The following SGPP2 variants were observed in gnomAD, a reference collection of about 807,000 sequenced individuals.
The protein encoded by SGPP2 is sphingosine-1-phosphate phosphatase 2.
A neutral mutation model predicts 33.9 loss-of-function variants in SGPP2; 30 were observed. That is an observed-to-expected ratio of 0.89 (90% CI 0.66 to 1.20). SGPP2 has a LOEUF of 1.20. SGPP2 is among the 50% of genes most tolerant of loss of function. The pLI, the probability that SGPP2 is intolerant of heterozygous loss-of-function variation, is 0.00. For synonymous variants in SGPP2, 233 were observed against 225.0 expected (o/e 1.04, Z -0.32); for missense variants, 458 against 532.1 (o/e 0.86, Z 1.37).
chr2:222,524,552 GCTAT>G (rs1688187683), intron 3 of SGPP2, among the ~76,000 whole-genome samples: 1 of 152,166 alleles, frequency 6.6e-6, no homozygotes, highest in South Asian at 2.1e-4. Context: ...TATAGCCCTG[GCTAT>G]CTATCTACCT....
At chr2:222,500,851 G>A (rs570673236) in intron 2 of SGPP2, among the ~76,000 whole-genome samples, 6 of 152,236 alleles carry the variant, frequency 3.9e-5, no homozygotes, top group East Asian at 1.9e-4. Flanking sequence ...GGACTGCTTC[G>A]TAGCAAAGCA....
At chr2:222,541,276 C>A (rs1399460479) in intron 4 of SGPP2, among the ~76,000 whole-genome samples, 1 of 151,742 alleles carries the variant, frequency 6.6e-6, no homozygotes, top group Admixed American at 6.5e-5. Flanking sequence ...GTGTCAGCAG[C>A]ATGAGGCTTT....
chr2:222,470,331 A>G (rs1445577260), intron 1 of SGPP2, among the ~76,000 whole-genome samples: 1 of 152,222 alleles, frequency 6.6e-6, no homozygotes, highest in Non-Finnish European at 1.5e-5. Context: ...ATTTAGGTAC[A>G]TCTAAGCCCC....
intron 1 of SGPP2, among the ~76,000 whole-genome samples, chr2:222,445,539 G>A (rs1401088076): frequency 1.3e-5 from 2 of 152,176 alleles, no homozygotes; most frequent in African/African-American, 4.8e-5. Context: ...GAGAGAAGGA[G>A]AATAGCCATG....
chr2:222,461,809 T>TTA (rs1697664888), intron 1 of SGPP2, among the ~76,000 whole-genome samples: 1 of 152,194 alleles, frequency 6.6e-6, no homozygotes, highest in Admixed American at 6.5e-5. Flanking sequence ...TGGTTCCTAA[T>TTA]GGAACCAGTC....
At position 222,561,541 on chromosome 2, in the gene SGPP2, TA is replaced by T. The variant is rs1341324700; in HGVS notation, c.*2644del. ...TGATATATATATATCATTTTATATATATATATATATCATATACATAATTTTT... is the reference window on the plus strand; with the variant it reads ...TGATATATATATATCATTTTATATATTATATATATCATATACATAATTTTT... On this transcript the variant is annotated 3_prime_UTR_variant, in exon 5 of 5. Transcript: ENST00000321276. Among the ~76,000 whole-genome samples, 1 of 148,952 alleles carries T rather than the reference TA, an allele frequency of 6.7e-6. No homozygotes were observed. The highest frequency in any genetic ancestry group is 1.5e-5 in the Non-Finnish European group (1 of 67,396).
At chr2:222,526,564 T>C (rs554118159) in intron 4 of SGPP2, among the ~76,000 whole-genome samples, 1 of 152,372 alleles carries the variant, frequency 6.6e-6, no homozygotes, top group South Asian at 2.1e-4. Context: ...TTGGGTTCTC[T>C]GGCATCTCTT....
intron 4 of SGPP2, among the ~76,000 whole-genome samples, chr2:222,554,360 C>T (rs939791230): frequency 2.0e-5 from 3 of 152,204 alleles, no homozygotes; most frequent in African/African-American, 7.2e-5. Context: ...GTGGCTATAT[C>T]ATAGTTCAAT....
At position 222,558,377 on chromosome 2, in the gene SGPP2, CT is replaced by C; in HGVS notation, c.680del (p.Leu227ProfsTer28). The C allele has an allele frequency of 1.9e-6, 3 of 1,614,134 alleles. No homozygotes were observed. The highest frequency in any genetic ancestry group is 2.5e-6 in the Non-Finnish European group (3 of 1,179,988). Reference sequence around the variant, plus strand: ...GCTGGGTGGCGTCCTGATCACCGCACTCCTCATCGTCCTCACCTACCCTGCC... The same window carrying C: ...GCTGGGTGGCGTCCTGATCACCGCACCCTCATCGTCCTCACCTACCCTGCC... ...DVLGGVLITA[L>X]LIVLTYPAWT... On this transcript the variant is annotated frameshift_variant, in exon 5 of 5. Coordinates refer to ENST00000321276, the MANE Select transcript of SGPP2 (RefSeq NM_152386.4). LOFTEE classifies it high-confidence loss of function.
chr2:222,534,048 G>A (rs1262074357), intron 4 of SGPP2, among the ~76,000 whole-genome samples: 1 of 152,190 alleles, frequency 6.6e-6, no homozygotes, highest in African/African-American at 2.4e-5. Context: ...CCTGGCATCA[G>A]AAGCAGGGCA....
At chr2:222,474,446 T>A in intron 1 of SGPP2, 122 bp from the exon 2 acceptor site, 1 of 785,572 alleles carries the variant, frequency 1.3e-6, no homozygotes, top group South Asian at 2.0e-5. Flanking sequence ...AATGATACCT[T>A]AATAACATAA....
At chr2:222,558,095 C>G (rs62188479) in intron 4 of SGPP2, among the ~76,000 whole-genome samples, 1 of 151,992 alleles carries the variant, frequency 6.6e-6, no homozygotes, top group African/African-American at 2.4e-5. Flanking sequence ...AAAACAAATA[C>G]AGAATTTATT....
chr2:222,490,910 T>C (rs1698187713), intron 2 of SGPP2, among the ~76,000 whole-genome samples: 1 of 152,192 alleles, frequency 6.6e-6, no homozygotes, highest in Non-Finnish European at 1.5e-5. Flanking sequence ...CTTGTAACCC[T>C]GAACATAATT....
At chr2:222,474,843 T>A in intron 2 of SGPP2, 117 bp downstream of exon 2, 1 of 861,722 alleles carries the variant, frequency 1.2e-6, no homozygotes, top group Non-Finnish European at 1.7e-6. Context: ...CCACTTAGAG[T>A]TGAATTTGTT....
chr2:222,500,332 C>T (rs80236926), intron 2 of SGPP2, among the ~76,000 whole-genome samples: 10 of 151,850 alleles, frequency 6.6e-5, no homozygotes, highest in African/African-American at 9.7e-5. Context: ...CTGGATGTCT[C>T]GTTTTCAGTT....
intron 4 of SGPP2, among the ~76,000 whole-genome samples, chr2:222,548,949 A>C (rs1316937587): frequency 1.3e-5 from 2 of 152,210 alleles, no homozygotes; most frequent in African/African-American, 4.8e-5. Context: ...CTATGACTAA[A>C]AGTTATTTTC....
intron 1 of SGPP2, chr2:222,452,794 GTGCT>G: frequency 1.3e-6 from 2 of 1,557,618 alleles, no homozygotes; most frequent in East Asian, 4.5e-5. Flanking sequence ...GGGTAGGTAG[GTGCT>G]GAGGCCTGAG....
intron 4 of SGPP2, among the ~76,000 whole-genome samples, chr2:222,532,146 T>C (rs1179290161): frequency 1.3e-5 from 2 of 152,112 alleles, no homozygotes; most frequent in African/African-American, 4.8e-5. Flanking sequence ...TGCTGGCACA[T>C]GCCTGTAATC....
rs1024161381 is a variant in SGPP2 at position 222,551,856 on chromosome 2, A to G, written c.649-6491A>G. Among the ~76,000 whole-genome samples, 8 of 152,224 alleles carry G rather than the reference A, an allele frequency of 5.3e-5. 1 individual carries two copies. The highest frequency in any genetic ancestry group is 3.3e-4 in the Admixed American group (5 of 15,274). ...AGATTTTTATTTATATATTGAAACA[A>G]TGGGTACTAAGTATTATAGATAATT... On this transcript the variant is annotated intron_variant, in intron 4 of 4. Transcript: ENST00000321276.
Sources: gnomAD v4.1 joint callset for allele counts (sites outside exome capture counted in the v4.1 genomes callset) on GRCh38, gnomAD v4.1.1 for gene constraint, MANE v1.5 for transcripts, NCBI Gene and HGNC (gene_info 2026-07-23, HGNC 2026-07-21) for gene names.